Variants in MAPRE2 observed in about 807,000 individuals in gnomAD.
MAPRE2 encodes the protein microtubule associated protein RP/EB family member 2, also known as microtubule-associated protein RP/EB family member 2.
A neutral mutation model predicts 43.2 loss-of-function variants in MAPRE2; 13 were observed. The ratio of observed to expected loss-of-function variants is 0.30; its 90% CI spans 0.20 to 0.48. The LOEUF (loss-of-function observed/expected upper bound fraction) is 0.48. Among genes scored for constraint, MAPRE2 ranks in the 20% least tolerant of loss-of-function variants. The probability of loss-of-function intolerance (pLI) is 0.99; values close to 1 mark genes in which losing one functional copy is unlikely to be tolerated. For synonymous variants in MAPRE2, 135 were observed against 148.8 expected (o/e 0.91, Z 0.68); for missense variants, 161 against 400.2 (o/e 0.40, Z 5.10).
At chr18:35,010,566 A>C (rs375073684) in intron 2 of MAPRE2, among the ~76,000 whole-genome samples, 5 of 152,212 alleles carry the variant, frequency 3.3e-5, no homozygotes, top group Admixed American at 6.5e-5. Flanking sequence ...CAGGTTCTTC[A>C]TGGGATTCCT....
At chr18:34,989,220 A>C (rs1470512388) in intron 1 of MAPRE2, among the ~76,000 whole-genome samples, 2 of 152,180 alleles carry the variant, frequency 1.3e-5, no homozygotes, top group Non-Finnish European at 2.9e-5. Flanking sequence ...TTATTGTGTA[A>C]AGTTCTTCTT....
chr18:35,103,652 T>C (rs1356350037), intron 4 of MAPRE2, among the ~76,000 whole-genome samples: 1 of 152,104 alleles, frequency 6.6e-6, no homozygotes, highest in African/African-American at 2.4e-5. Flanking sequence ...GTAGAGTGTC[T>C]TGAGAAACTT....
intron 2 of MAPRE2, among the ~76,000 whole-genome samples, chr18:35,081,426 T>C (rs1907625118): frequency 1.3e-5 from 2 of 152,230 alleles, no homozygotes; most frequent in South Asian, 4.1e-4. Context: ...ACGAATGTTA[T>C]GTGGTGCCTG....
At chr18:34,987,575 A>G (rs1456724953) in intron 1 of MAPRE2, among the ~76,000 whole-genome samples, 1 of 152,170 alleles carries the variant, frequency 6.6e-6, no homozygotes, top group Admixed American at 6.5e-5. Context: ...CAGGTATGAA[A>G]TCATTGTATT....
intron 2 of MAPRE2, among the ~76,000 whole-genome samples, chr18:35,081,393 AT>A (rs1907623318): frequency 6.6e-6 from 1 of 152,184 alleles, no homozygotes; most frequent in Non-Finnish European, 1.5e-5. Flanking sequence ...AAAGAACAAT[AT>A]TCTGTTAGTA....
chr18:35,136,244 C>T (rs1805219470), intron 6 of MAPRE2, among the ~76,000 whole-genome samples: 2 of 152,166 alleles, frequency 1.3e-5, no homozygotes, highest in African/African-American at 4.8e-5. Flanking sequence ...GCATTGGTTA[C>T]CTGCTCCCTG....
intron 1 of MAPRE2, among the ~76,000 whole-genome samples, chr18:35,053,618 G>A (rs1227075711): frequency 6.6e-6 from 1 of 152,108 alleles, no homozygotes; most frequent in Non-Finnish European, 1.5e-5. Context: ...TTTGTATTGT[G>A]TGTCCCCTTC....
chr18:35,025,852 GC>G (rs1264387623), intron 2 of MAPRE2, among the ~76,000 whole-genome samples: 3 of 152,190 alleles, frequency 2.0e-5, no homozygotes, highest in Admixed American at 2.0e-4. Context: ...TACAGAGGAA[GC>G]TTTGCTTATG....
chr18:34,983,313 C>T (rs1200811298), intron 1 of MAPRE2, among the ~76,000 whole-genome samples: 2 of 152,114 alleles, frequency 1.3e-5, no homozygotes, highest in Non-Finnish European at 2.9e-5. Context: ...TTTAGTGATA[C>T]GGTCAACTGT....
intron 4 of MAPRE2, among the ~76,000 whole-genome samples, chr18:35,118,837 A>AG (rs1298472042): frequency 6.6e-6 from 1 of 152,136 alleles, no homozygotes. Flanking sequence ...TGAGTGGAGA[A>AG]GGCAGGGCCT....
chr18:35,081,188 A>T (rs1603398850), intron 2 of MAPRE2, among the ~76,000 whole-genome samples: 1 of 152,200 alleles, frequency 6.6e-6, no homozygotes, highest in African/African-American at 2.4e-5. Flanking sequence ...AACCTCACAG[A>T]AATCTTTTCC....
At chr18:34,995,366 G>A (rs1172529255) in intron 1 of MAPRE2, among the ~76,000 whole-genome samples, 1 of 152,182 alleles carries the variant, frequency 6.6e-6, no homozygotes, top group Non-Finnish European at 1.5e-5. Flanking sequence ...ATATATGTGT[G>A]GCAGCTTCAT....
chr18:35,091,261 A>G (rs1199158052), intron 2 of MAPRE2, among the ~76,000 whole-genome samples: 1 of 152,306 alleles, frequency 6.6e-6, no homozygotes. Context: ...ACACATTCAA[A>G]CTTGTTTTAT....
intron 1 of MAPRE2, among the ~76,000 whole-genome samples, chr18:35,065,556 T>C (rs1185876060): frequency 6.6e-6 from 1 of 152,044 alleles, no homozygotes; most frequent in African/African-American, 2.4e-5. Context: ...TATTTATTTA[T>C]CTTTTTTATT....
chr18:34,979,711 G>A (rs1348088557), intron 1 of MAPRE2, among the ~76,000 whole-genome samples: 1 of 152,050 alleles, frequency 6.6e-6, no homozygotes. Context: ...ACATCCAGGA[G>A]TGAATTAAAT....
intron 1 of MAPRE2, among the ~76,000 whole-genome samples, chr18:34,987,515 C>CT (rs2097021642): frequency 6.6e-6 from 1 of 152,092 alleles, no homozygotes; most frequent in Admixed American, 6.6e-5. Context: ...TTGAATAATC[C>CT]TTAATAAGCT....
rs1491084357 is a variant in MAPRE2, at chr18:35,024,506, T to TTCA, written c.-8+18953_-8+18954insTCA. Among the ~76,000 whole-genome samples the TTCA allele has an allele frequency of 1.0e-3, 156 of 152,364 alleles. 1 individual carries two copies. The highest frequency in any genetic ancestry group is 1.9e-3 in the South Asian group (9 of 4,830). On this transcript the variant is annotated intron_variant, in intron 2 of 7. Coordinates refer to the MAPRE2 transcript ENST00000413393. The stretch of plus-strand genomic sequence containing the variant: ...GCAAATGAACCTATTTCAGTTCTAT[T>TTCA]GATAACGATATAACTTGCTTTTATT...
intron 2 of MAPRE2, among the ~76,000 whole-genome samples, chr18:35,085,789 G>A (rs1049824486): frequency 2.0e-5 from 3 of 152,166 alleles, no homozygotes; most frequent in African/African-American, 7.2e-5. Flanking sequence ...CAACACTGAC[G>A]TTTTGCACAT....
chr18:35,139,230 G>T (rs546235420), intron 6 of MAPRE2, among the ~76,000 whole-genome samples: 1 of 152,202 alleles, frequency 6.6e-6, no homozygotes, highest in South Asian at 2.1e-4. Flanking sequence ...GGGCAGTTCA[G>T]TGCTCGGGAG....
Sources: allele counts gnomAD v4.1 joint callset (sites outside exome capture counted in the v4.1 genomes callset), GRCh38; gene constraint gnomAD v4.1.1; transcripts MANE v1.5; gene names NCBI Gene and HGNC (gene_info 2026-07-23, HGNC 2026-07-21).